PCDHGA11: variants seen among roughly 807,000 people sequenced by gnomAD.
PCDHGA11 encodes protocadherin gamma-A11.
PCDHGA11 carries 39 observed loss-of-function variants against 60.4 expected under a neutral mutation model. That is an observed-to-expected ratio of 0.65 (90% confidence interval 0.50 to 0.84). PCDHGA11 has a LOEUF of 0.84. Among genes scored for constraint, PCDHGA11 ranks in the 40% least tolerant of loss-of-function variants. PCDHGA11 has a pLI of 0.00. For missense variants in PCDHGA11, 1,165 were observed against 1,197.7 expected (o/e 0.97, Z 0.40); for synonymous variants, 533 against 510.3 (o/e 1.04, Z -0.60).
At chr5:141,465,979 G>C (rs779605313) in intron 1 of PCDHGA11, among the ~76,000 whole-genome samples, 26 of 151,846 alleles carry the variant, frequency 1.7e-4, no homozygotes, top group Non-Finnish European at 3.8e-4. Flanking sequence ...AAAATTAGCC[G>C]GGCATGGTGG....
chr5:141,456,263 T>C (rs2098847567), intron 1 of PCDHGA11, among the ~76,000 whole-genome samples: 2 of 152,292 alleles, frequency 1.3e-5, no homozygotes, highest in South Asian at 2.1e-4. Flanking sequence ...CCATTGCTTC[T>C]GGCTACTTCC....
chr5:141,449,425 G>T (rs1206395356), intron 1 of PCDHGA11, among the ~76,000 whole-genome samples: 2 of 151,688 alleles, frequency 1.3e-5, no homozygotes, highest in Non-Finnish European at 2.9e-5. Context: ...TGGCCAACAT[G>T]ATAAAACTCC....
chr5:141,476,557 C>T lies in PCDHGA11; in HGVS notation c.2434-18250C>T. On this transcript the variant is annotated intron_variant, in intron 1 of 3. Coordinates refer to ENST00000398587, the MANE Select transcript of PCDHGA11 (RefSeq NM_018914.3). This position sits in a 1 kb window ranked among gnomAD's most constrained non-coding sequence, Gnocchi z 7.6. ...AAATGAAATTGGAGATTAGCGAGGC[C>T]GTGGCTCCGGGGACGCGCTTTCCGC... The T allele has an allele frequency of 1.2e-6, 2 of 1,614,222 alleles. No homozygotes were observed. The highest frequency in any genetic ancestry group is 1.3e-5 in the African/African-American group (1 of 75,060).
chr5:141,437,116 GA>G (rs914218907), intron 1 of PCDHGA11, among the ~76,000 whole-genome samples: 4 of 152,150 alleles, frequency 2.6e-5, no homozygotes, highest in African/African-American at 9.7e-5. Flanking sequence ...GGATTTTTAG[GA>G]CACTTGTTGA....
intron 2 of PCDHGA11, among the ~76,000 whole-genome samples, chr5:141,496,565 T>C (rs2099769541): frequency 6.6e-6 from 1 of 152,136 alleles, no homozygotes; most frequent in African/African-American, 2.4e-5. Context: ...CACAGTCCTG[T>C]CACCCATTTT....
At chr5:141,488,189 T>G (rs574621860) in intron 1 of PCDHGA11, among the ~76,000 whole-genome samples, 2 of 152,316 alleles carry the variant, frequency 1.3e-5, no homozygotes, top group Non-Finnish European at 2.9e-5. Context: ...TCTTTTGGTC[T>G]GGGTCTTAGG....
rs1224625072 is a variant in PCDHGA11, at chr5:141,490,972, C to T, written c.2434-3835C>T. ...AGACTGGGAACACTCAGCCCCCCAG[C>T]GTCTCCCTCGCTCTGCTCCTCCTGG... On this transcript the variant is annotated intron_variant, in intron 1 of 3. Transcript: ENST00000398587. This position sits in a 1 kb window ranked among gnomAD's most constrained non-coding sequence, Gnocchi z 5.4. The T allele has an allele frequency of 1.2e-5, 20 of 1,613,912 alleles. No individual in the cohort carries two copies. Among genetic ancestry groups the T allele is most frequent in the East Asian group, 4.5e-5 (2 of 44,882 alleles).
chr5:141,499,721 G>GTC (rs1434016871), intron 2 of PCDHGA11, among the ~76,000 whole-genome samples: 69 of 135,416 alleles, frequency 5.1e-4, no homozygotes, highest in African/African-American at 1.9e-3. Flanking sequence ...TGGAGACAGA[G>GTC]TCTCACTCTC....
At chr5:141,429,169 T>TACACACACACACACACAC (rs10667977) in intron 1 of PCDHGA11, 2 of 145,394 alleles carry the variant, frequency 1.4e-5, no homozygotes, top group African/African-American at 5.1e-5. Flanking sequence ...ACATTGTTTA[T>TACACACACACACACACAC]ACACACACAC....
Position 141,485,987 on chromosome 5 carries a change from G to T in PCDHGA11, c.2434-8820G>T. 1 of 1,614,170 alleles carries T rather than the reference G, an allele frequency of 6.2e-7. No homozygotes were observed. On this transcript the variant is annotated intron_variant, in intron 1 of 3. Transcript: ENST00000398587. The surrounding 1 kb of genome is among the most constrained non-coding windows in gnomAD (Gnocchi z 5.7). ...GCTCAATGCCTCAGACCCGGACCTG[G>T]GTCCCAGTGGTAACGTCACCTTTTA...
chr5:141,422,907 G>A lies in PCDHGA11; in HGVS notation c.1680G>A (p.Ala560=). 1 of 1,614,196 alleles carries A rather than the reference G, an allele frequency of 6.2e-7. No individual in the cohort carries two copies. Among genetic ancestry groups the A allele is most frequent in the Non-Finnish European group, 8.5e-7 (1 of 1,180,030 alleles). ...SLFVLDQNDN[A]PEILYPALPT... ...TCGTGCTGGACCAGAACGACAATGC[G>A]CCCGAGATCCTGTACCCTGCCCTCC... The change falls in exon 1 of 4, where the codon GCG becomes GCA. Residue 560 remains alanine, a synonymous_variant. Coordinates refer to ENST00000398587, the MANE Select transcript of PCDHGA11 (RefSeq NM_018914.3).
chr5:141,462,243 A>C (rs141980823), intron 1 of PCDHGA11, among the ~76,000 whole-genome samples: 70 of 152,368 alleles, frequency 4.6e-4, no homozygotes, highest in African/African-American at 1.6e-3. Flanking sequence ...TACAGGTATG[A>C]GCCACCATGA....
rs747722740 is a variant in PCDHGA11, at chr5:141,485,835, C to G, written c.2434-8972C>G. 3 of 1,614,190 alleles carry G rather than the reference C, an allele frequency of 1.9e-6. No homozygotes were observed. In the South Asian group the frequency reaches 3.3e-5, roughly 18 times the overall value. On this transcript the variant is annotated intron_variant, in intron 1 of 3. Transcript: ENST00000398587. This position sits in a 1 kb window ranked among gnomAD's most constrained non-coding sequence, Gnocchi z 5.7. ...ACTGCTGTCGATGGAGGGAACCCGC[C>G]GAGATCTGGCACCGCAGAGCTCCGG...
chr5:141,457,118 A>G (rs1427146922), intron 1 of PCDHGA11, among the ~76,000 whole-genome samples: 3 of 152,228 alleles, frequency 2.0e-5, no homozygotes, highest in Non-Finnish European at 4.4e-5. Context: ...TACGACAGCA[A>G]TGGAAACTCT....
intron 1 of PCDHGA11, chr5:141,478,600 C>T (rs762531135): frequency 6.4e-7 from 1 of 1,565,134 alleles, no homozygotes. Context: ...ATTCCTACAT[C>T]ATATTGAGGA....
chr5:141,442,774 AT>A (rs2098342677), intron 1 of PCDHGA11, among the ~76,000 whole-genome samples: 1 of 152,188 alleles, frequency 6.6e-6, no homozygotes, highest in Non-Finnish European at 1.5e-5. Flanking sequence ...TATGTGTTTG[AT>A]TATATTTTAT....
chr5:141,423,106 G>A lies in PCDHGA11; in HGVS notation c.1879G>A (p.Val627Met), dbSNP rs562864937. ...CGCGGTGGGGGAGCACACGGGCGAG[G>A]TGCGTACAGCGCGGGCACTGCTGGA... ...LFAVGEHTGE[V>M]RTARALLDRD... Residue 627 changes from valine to methionine, a missense_variant, in exon 1 of 4, where the codon GTG (valine) becomes ATG (methionine). Physicochemically the swap from Val to Met is conservative, Grantham distance 21. Coordinates refer to ENST00000398587, the MANE Select transcript of PCDHGA11 (RefSeq NM_018914.3). 2 of 1,613,894 alleles carry A rather than the reference G, an allele frequency of 1.2e-6. No homozygotes were observed. The highest frequency in any genetic ancestry group is 1.7e-5 in the Admixed American group (1 of 60,022).
In PCDHGA11 at chr5:141,511,502, A is replaced by G. The variant is rs953158220; in HGVS notation, c.*329A>G. ...CTGAACTCCTCCATCTTCCAAATCAATCAGGCCCATCCATCCCATGCCTCC... is the reference window on the plus strand; with the variant it reads ...CTGAACTCCTCCATCTTCCAAATCAGTCAGGCCCATCCATCCCATGCCTCC... On this transcript the variant is annotated 3_prime_UTR_variant, in exon 4 of 4. Transcript: ENST00000398587. The G allele has an allele frequency of 1.3e-5, 5 of 395,150 alleles. No homozygotes were observed. Among genetic ancestry groups the G allele is most frequent in the African/African-American group, 1.0e-4 (5 of 48,770 alleles). The allele number at this position is 395,150 out of a possible 1,614,324, so 24.5% of individuals were successfully genotyped here.
chr5:141,453,302 T>C (rs189741118), intron 1 of PCDHGA11, among the ~76,000 whole-genome samples: 18 of 152,008 alleles, frequency 1.2e-4, no homozygotes, highest in Middle Eastern at 6.8e-3. Flanking sequence ...TTTATTTATT[T>C]ATTTATTTAT....
Sources: gnomAD v4.1 joint callset for allele counts (sites outside exome capture counted in the v4.1 genomes callset) on GRCh38, gnomAD v4.1.1 for gene constraint, Gnocchi (gnomAD v3.1) non-coding constraint, MANE v1.5 for transcripts, NCBI Gene and HGNC (gene_info 2026-07-23, HGNC 2026-07-21) for gene names.